Variants in SLC4A4 observed in about 807,000 individuals in gnomAD.
SLC4A4 encodes the protein solute carrier family 4 member 4, also known as electrogenic sodium bicarbonate cotransporter 1.
A neutral mutation model predicts 111.5 loss-of-function variants in SLC4A4; 27 were observed. The ratio of observed to expected loss-of-function variants is 0.24; its 90% CI spans 0.18 to 0.33. The LOEUF (loss-of-function observed/expected upper bound fraction) is 0.33, where lower values mean the gene tolerates loss of function less well. Ranked by LOEUF, SLC4A4 falls within the 10% of genes least tolerant of loss-of-function variation. The pLI is 1.00. For synonymous variants in SLC4A4, 443 were observed against 463.4 expected, an observed-to-expected ratio of 0.96 and a Z score of 0.57; for missense variants, 909 against 1,315.5, an observed-to-expected ratio of 0.69 and a Z score of 4.78.
At chr4:71,248,140 C>T (rs1207493153) in intron 2 of SLC4A4, among the ~76,000 whole-genome samples, 1 of 152,146 alleles carries the variant, frequency 6.6e-6, no homozygotes, top group Non-Finnish European at 1.5e-5. Flanking sequence ...CTGAGGTTGA[C>T]TCTTTTGCCC....
At chr4:71,072,850 C>T (rs1332706318) in intron 1 of SLC4A4, among the ~76,000 whole-genome samples, 1 of 152,060 alleles carries the variant, frequency 6.6e-6, no homozygotes, top group Admixed American at 6.6e-5. Flanking sequence ...TTGCTCTAAC[C>T]TCTGCCTCTT....
At chr4:71,551,793 C>T (rs185061659) in intron 20 of SLC4A4, among the ~76,000 whole-genome samples, 2 of 152,022 alleles carry the variant, frequency 1.3e-5, no homozygotes, top group African/African-American at 4.8e-5. Flanking sequence ...TTCACAAACT[C>T]CTCATCATAC....
intron 16 of SLC4A4, among the ~76,000 whole-genome samples, chr4:71,498,809 C>G (rs1216628832): frequency 6.6e-6 from 1 of 152,086 alleles, no homozygotes; most frequent in Non-Finnish European, 1.5e-5. Context: ...GAATTCAACC[C>G]ACAGCCATTC....
chr4:71,209,866 T>G (rs1718026431), intron 1 of SLC4A4, among the ~76,000 whole-genome samples: 1 of 152,236 alleles, frequency 6.6e-6, no homozygotes, highest in Non-Finnish European at 1.5e-5. Flanking sequence ...ATTTTAGCAC[T>G]GTATTTTATT....
chr4:71,346,249 T>G (rs76538854), intron 4 of SLC4A4, among the ~76,000 whole-genome samples: 3,005 of 152,186 alleles, frequency 0.02, 102 homozygotes, highest in African/African-American at 0.068. Context: ...TCTAAGACCT[T>G]GGAATAAACT....
intron 3 of SLC4A4, among the ~76,000 whole-genome samples, chr4:71,279,456 T>C (rs1168784898): frequency 6.6e-6 from 1 of 152,194 alleles, no homozygotes; most frequent in African/African-American, 2.4e-5. Flanking sequence ...TTCCATTGGA[T>C]ATTATATATC....
intron 16 of SLC4A4, among the ~76,000 whole-genome samples, chr4:71,527,304 G>A (rs1733503270): frequency 6.6e-6 from 1 of 152,008 alleles, no homozygotes; most frequent in South Asian, 2.1e-4. Flanking sequence ...ACTAGCAATG[G>A]AGGTGATGAG....
intron 18 of SLC4A4, among the ~76,000 whole-genome samples, chr4:71,544,079 T>C (rs1735297921): frequency 6.6e-6 from 1 of 152,174 alleles, no homozygotes; most frequent in South Asian, 2.1e-4. Flanking sequence ...ACTTACAGTC[T>C]AATGTCAAAG....
At chr4:71,349,520 C>A (rs1729622857) in intron 4 of SLC4A4, among the ~76,000 whole-genome samples, 1 of 152,180 alleles carries the variant, frequency 6.6e-6, no homozygotes. Flanking sequence ...ACAACAGAAT[C>A]CTCACAGTGG....
intron 2 of SLC4A4, among the ~76,000 whole-genome samples, chr4:71,106,232 C>T (rs1267452434): frequency 1.3e-5 from 2 of 148,298 alleles, no homozygotes; most frequent in African/African-American, 2.5e-5. Context: ...GCTACCATCT[C>T]ACACCAGTTA....
chr4:71,197,069 C>T (rs1410229118), intron 1 of SLC4A4, among the ~76,000 whole-genome samples: 2 of 150,760 alleles, frequency 1.3e-5, no homozygotes, highest in African/African-American at 4.9e-5. Flanking sequence ...ACAAAAATTA[C>T]CCAGGCATGG....
At chr4:71,201,400 G>A (rs1326113594) in intron 1 of SLC4A4, among the ~76,000 whole-genome samples, 1 of 152,198 alleles carries the variant, frequency 6.6e-6, no homozygotes, top group Non-Finnish European at 1.5e-5. Flanking sequence ...GTAATTTCTA[G>A]AACAAGGTTG....
At chr4:71,210,744 T>G (rs1718084365) in intron 1 of SLC4A4, among the ~76,000 whole-genome samples, 1 of 152,216 alleles carries the variant, frequency 6.6e-6, no homozygotes, top group East Asian at 1.9e-4. Flanking sequence ...GTTGAAGCTA[T>G]GTTGTTATGT....
intron 2 of SLC4A4, among the ~76,000 whole-genome samples, chr4:71,179,669 G>T (rs1359514536): frequency 1.3e-5 from 2 of 152,134 alleles, no homozygotes; most frequent in Non-Finnish European, 2.9e-5. Flanking sequence ...CCTTCAAGGA[G>T]AACTACAAAC....
chr4:71,458,099 C>A (rs909967988), intron 12 of SLC4A4, among the ~76,000 whole-genome samples: 3 of 152,024 alleles, frequency 2.0e-5, no homozygotes, highest in African/African-American at 7.2e-5. Context: ...CATTTATATT[C>A]TTGGTTGCCA....
intron 10 of SLC4A4, 104 bp from the exon 11 acceptor site, chr4:71,451,084 T>C: frequency 1.3e-6 from 1 of 773,372 alleles, no homozygotes; most frequent in Non-Finnish European, 2.3e-6. Flanking sequence ...TCTTTCACCT[T>C]AAGGGTTTTC....
chr4:71,429,802 C>T (rs367802212), intron 7 of SLC4A4, among the ~76,000 whole-genome samples: 1 of 152,142 alleles, frequency 6.6e-6, no homozygotes, highest in Non-Finnish European at 1.5e-5. Context: ...TGTTCAACTT[C>T]ACCATAGGAA....
chr4:71,147,519 G>A (rs1400130900), intron 2 of SLC4A4, among the ~76,000 whole-genome samples: 1 of 152,090 alleles, frequency 6.6e-6, no homozygotes, highest in Non-Finnish European at 1.5e-5. Flanking sequence ...TTCTCCCCTG[G>A]ATGAACCAAG....
intron 7 of SLC4A4, among the ~76,000 whole-genome samples, chr4:71,415,690 C>A (rs192017092): frequency 1.6e-4 from 25 of 152,302 alleles, no homozygotes; most frequent in Admixed American, 1.2e-3. Context: ...AAATCAAATT[C>A]TCGTGTTGTG....
Sources: gnomAD v4.1 joint callset for allele counts (sites outside exome capture counted in the v4.1 genomes callset) on GRCh38, gnomAD v4.1.1 for gene constraint, MANE v1.5 for transcripts, NCBI Gene and HGNC (gene_info 2026-07-23, HGNC 2026-07-21) for gene names.